The following CTNNA3 variants were observed in gnomAD, a reference collection of about 807,000 sequenced individuals.
CTNNA3 encodes catenin alpha 3, also known as catenin alpha-3.
CTNNA3 carries 76 observed loss-of-function variants against 95.7 expected under a neutral mutation model. The observed-to-expected ratio is 0.79, with a 90% confidence interval of 0.66 to 0.96. The LOEUF (loss-of-function observed/expected upper bound fraction) is 0.96. CTNNA3 is among the 40% of genes least tolerant of loss of function. The pLI is 0.00. For synonymous variants in CTNNA3, 431 were observed against 374.4 expected (o/e 1.15, Z -1.74); for missense variants, 1,191 against 1,089.8 (o/e 1.09, Z -1.31).
intron 11 of CTNNA3, among the ~76,000 whole-genome samples, chr10:66,480,117 T>C (rs1469600184): frequency 6.6e-6 from 1 of 152,142 alleles, no homozygotes; most frequent in Non-Finnish European, 1.5e-5. Flanking sequence ...AATAGATCTG[T>C]TTCAAGACAG....
chr10:66,393,149 A>G (rs1381924465), intron 11 of CTNNA3, among the ~76,000 whole-genome samples: 2 of 152,154 alleles, frequency 1.3e-5, no homozygotes, highest in Non-Finnish European at 2.9e-5. Flanking sequence ...AAGGCTACAT[A>G]CTGTATGATT....
At chr10:67,446,955 A>G (rs1038063743) in intron 5 of CTNNA3, among the ~76,000 whole-genome samples, 1 of 152,036 alleles carries the variant, frequency 6.6e-6, no homozygotes, top group African/African-American at 2.4e-5. Flanking sequence ...AATACAAAAT[A>G]TTAGCCGGGC....
At chr10:67,645,189 G>GCA (rs201531886) in intron 2 of CTNNA3, among the ~76,000 whole-genome samples, 14 of 142,536 alleles carry the variant, frequency 9.8e-5, no homozygotes, top group African/African-American at 3.7e-4. Context: ...ATGTGCACGT[G>GCA]CGCGCACACA....
At chr10:66,524,118 T>C (rs1841164265) in intron 10 of CTNNA3, among the ~76,000 whole-genome samples, 1 of 36,654 alleles carries the variant, frequency 2.7e-5, no homozygotes, top group African/African-American at 7.8e-5. Context: ...TTTTCTGCTC[T>C]ACTCCGTCTC....
chr10:66,099,001 A>T (rs2081508949), intron 14 of CTNNA3, among the ~76,000 whole-genome samples: 1 of 152,222 alleles, frequency 6.6e-6, no homozygotes. Context: ...TGGTGACAAC[A>T]ATAATAAATG....
At chr10:67,269,682 T>C (rs1196267209) in intron 5 of CTNNA3, among the ~76,000 whole-genome samples, 3 of 152,162 alleles carry the variant, frequency 2.0e-5, no homozygotes, top group Non-Finnish European at 4.4e-5. Flanking sequence ...GTTTCTGAAA[T>C]GGTGAACATA....
intron 13 of CTNNA3, among the ~76,000 whole-genome samples, chr10:66,205,309 A>T (rs2087689947): frequency 6.6e-6 from 1 of 152,034 alleles, no homozygotes; most frequent in Non-Finnish European, 1.5e-5. Flanking sequence ...GTAAGAAAAC[A>T]ATGTTGAATA....
intron 6 of CTNNA3, among the ~76,000 whole-genome samples, chr10:67,211,897 T>C (rs971636203): frequency 1.3e-5 from 2 of 152,106 alleles, no homozygotes; most frequent in African/African-American, 2.4e-5. Context: ...CAATAACTCC[T>C]GACCTATGTG....
At chr10:67,561,191 C>T (rs1841497256) in intron 3 of CTNNA3, among the ~76,000 whole-genome samples, 1 of 143,252 alleles carries the variant, frequency 7.0e-6, no homozygotes, top group Non-Finnish European at 1.5e-5. Flanking sequence ...ATACATTCTT[C>T]TCAGCACCAC....
intron 7 of CTNNA3, among the ~76,000 whole-genome samples, chr10:66,791,172 C>T (rs1160827658): frequency 6.6e-6 from 1 of 152,190 alleles, no homozygotes; most frequent in African/African-American, 2.4e-5. Flanking sequence ...TTACAATATG[C>T]TCCTCTGTTT....
chr10:67,243,647 C>T (rs1034558888), intron 5 of CTNNA3, among the ~76,000 whole-genome samples: 13 of 152,248 alleles, frequency 8.5e-5, no homozygotes, highest in African/African-American at 2.6e-4. Flanking sequence ...ACTCCTGTCA[C>T]GGTCACTCTT....
intron 7 of CTNNA3, among the ~76,000 whole-genome samples, chr10:66,820,992 A>C (rs1167738563): frequency 6.6e-6 from 1 of 152,110 alleles, no homozygotes; most frequent in Non-Finnish European, 1.5e-5. Flanking sequence ...CTTATTAGTC[A>C]GTCTCCATCC....
intron 7 of CTNNA3, among the ~76,000 whole-genome samples, chr10:66,957,086 C>T (rs1291744793): frequency 2.0e-5 from 3 of 152,108 alleles, no homozygotes; most frequent in Non-Finnish European, 4.4e-5. Flanking sequence ...ATGTATCTAT[C>T]ACACATTTCC....
chr10:67,304,409 C>T (rs1055291912), intron 5 of CTNNA3, among the ~76,000 whole-genome samples: 2 of 152,128 alleles, frequency 1.3e-5, no homozygotes, highest in Non-Finnish European at 2.9e-5. Flanking sequence ...ACACTGATAA[C>T]TTGAATTAGA....
intron 15 of CTNNA3, among the ~76,000 whole-genome samples, chr10:66,025,598 C>A (rs1341692694): frequency 6.6e-6 from 1 of 152,134 alleles, no homozygotes; most frequent in Admixed American, 6.5e-5. Flanking sequence ...ATGCTTTGTT[C>A]ACCTGTATCA....
chr10:66,779,342 TTTCTTTTC>T (rs1840437858), intron 7 of CTNNA3, among the ~76,000 whole-genome samples: 1 of 18,726 alleles, frequency 5.3e-5, no homozygotes, highest in South Asian at 2.0e-3. Context: ...TCCTTCCTTC[TTTCTTTTC>T]TTTCTTTTCT....
chr10:67,455,368 G>C (rs565251424), intron 5 of CTNNA3, among the ~76,000 whole-genome samples: 2 of 152,160 alleles, frequency 1.3e-5, no homozygotes, highest in East Asian at 3.9e-4. Context: ...CCAATTGTTG[G>C]GATACCGAAG....
chr10:66,099,129 T>A (rs1184751481), intron 14 of CTNNA3, among the ~76,000 whole-genome samples: 1 of 152,210 alleles, frequency 6.6e-6, no homozygotes, highest in African/African-American at 2.4e-5. Flanking sequence ...AGAGTCTGCA[T>A]GATCCAAGAA....
intron 12 of CTNNA3, among the ~76,000 whole-genome samples, chr10:66,357,547 T>C (rs938856984): frequency 6.6e-6 from 1 of 152,134 alleles, no homozygotes; most frequent in Non-Finnish European, 1.5e-5. Flanking sequence ...TGCTTATATA[T>C]ATTTTCCTAT....
Sources: gnomAD v4.1 joint callset for allele counts (sites outside exome capture counted in the v4.1 genomes callset) on GRCh38, gnomAD v4.1.1 for gene constraint, MANE v1.5 for transcripts, NCBI Gene and HGNC (gene_info 2026-07-23, HGNC 2026-07-21) for gene names.